ANK2: variants seen among roughly 807,000 people sequenced by gnomAD.
ANK2 encodes the protein ankyrin-2.
ANK2 carries 83 observed loss-of-function variants against 360.5 expected under a neutral mutation model. That is an observed-to-expected ratio of 0.23 (90% CI 0.19 to 0.28). ANK2 has a LOEUF of 0.28. Ranked by LOEUF, ANK2 falls within the 10% of genes least tolerant of loss-of-function variation. ANK2 has a pLI of 1.00. For synonymous variants in ANK2, 1,740 were observed against 1,759.5 expected (o/e 0.99, Z 0.28); for missense variants, 4,201 against 4,795.7 (o/e 0.88, Z 3.66).
At chr4:112,815,682 G>A (rs570065635), upstream of ANK2, among the ~76,000 whole-genome samples, 26 of 152,292 alleles carry the variant, frequency 1.7e-4, no homozygotes, top group South Asian at 5.4e-3. Context: ...GCTGAAAATT[G>A]AGTCAGTCTC....
intron 4 of ANK2, among the ~76,000 whole-genome samples, chr4:113,201,207 C>T (rs1399419146): frequency 6.6e-6 from 1 of 151,972 alleles, no homozygotes; most frequent in African/African-American, 2.4e-5. Flanking sequence ...GCTGGAAAAC[C>T]TTTCTTTATA....
At chr4:113,221,134 G>A (rs1432607811) in intron 4 of ANK2, among the ~76,000 whole-genome samples, 6 of 152,304 alleles carry the variant, frequency 3.9e-5, no homozygotes, top group Non-Finnish European at 8.8e-5. Flanking sequence ...GCATTGACTC[G>A]TAGATAAGGT....
At chr4:113,253,146 A>G (rs899330432) in intron 10 of ANK2, among the ~76,000 whole-genome samples, 2 of 152,086 alleles carry the variant, frequency 1.3e-5, no homozygotes, top group African/African-American at 4.8e-5. Flanking sequence ...CGTTACTATC[A>G]TCTGGTGTGA....
At chr4:113,104,400 G>T (rs2093357853) in intron 1 of ANK2, among the ~76,000 whole-genome samples, 1 of 152,194 alleles carries the variant, frequency 6.6e-6, no homozygotes, top group African/African-American at 2.4e-5. Context: ...AAGAAGAGAA[G>T]AGAATTGTGA....
At chr4:112,728,511 G>A in the ANK2 span, among the ~76,000 whole-genome samples, 1 of 151,946 alleles carries the variant, frequency 6.6e-6, no homozygotes, top group Non-Finnish European at 1.5e-5. Flanking sequence ...AGCACTTTGG[G>A]AAGCTAAGGT....
intron 1 of ANK2, among the ~76,000 whole-genome samples, chr4:112,831,549 G>A (rs1024727326): frequency 1.3e-5 from 2 of 149,464 alleles, no homozygotes; most frequent in Non-Finnish European, 1.5e-5. Flanking sequence ...CTGTCAAAAC[G>A]GACCAATCAA....
intron 2 of ANK2, among the ~76,000 whole-genome samples, chr4:112,957,007 G>GTTTTTCTT (rs2095362214): frequency 1.5e-5 from 1 of 66,484 alleles, no homozygotes; most frequent in Non-Finnish European, 2.9e-5. Context: ...TATTGCTCTT[G>GTTTTTCTT]TTTTTTTTTT....
chr4:113,254,177 G>A (rs912026882), intron 10 of ANK2, among the ~76,000 whole-genome samples: 5 of 152,112 alleles, frequency 3.3e-5, no homozygotes, highest in African/African-American at 4.8e-5. Flanking sequence ...TAGGCCATTC[G>A]GTGTTTTTGT....
the ANK2 span, among the ~76,000 whole-genome samples, chr4:112,806,840 A>G: frequency 6.6e-6 from 1 of 152,036 alleles, no homozygotes; most frequent in Non-Finnish European, 1.5e-5. Flanking sequence ...CAAAAAAGAA[A>G]AAAATGAAAA....
intron 2 of ANK2, among the ~76,000 whole-genome samples, chr4:112,999,360 T>C (rs2049777738): frequency 6.6e-6 from 1 of 151,970 alleles, no homozygotes; most frequent in Non-Finnish European, 1.5e-5. Flanking sequence ...TTCTGCAGAG[T>C]AGACAAGCCC....
At chr4:112,912,019 T>C (rs762679857) in intron 2 of ANK2, among the ~76,000 whole-genome samples, 9 of 151,524 alleles carry the variant, frequency 5.9e-5, no homozygotes, top group Non-Finnish European at 1.0e-4. Context: ...CTACTAAAAA[T>C]ACAAAAAATT....
At chr4:112,921,379 G>GTTTT (rs61196339) in intron 2 of ANK2, among the ~76,000 whole-genome samples, 65 of 127,880 alleles carry the variant, frequency 5.1e-4, no homozygotes, top group African/African-American at 1.8e-3. Context: ...GTTTCTTTAA[G>GTTTT]TTTTTTTTTT....
intron 4 of ANK2, among the ~76,000 whole-genome samples, chr4:113,208,517 T>C (rs572199275): frequency 1.3e-5 from 2 of 151,866 alleles, no homozygotes; most frequent in African/African-American, 4.8e-5. Flanking sequence ...ATTTTATTTT[T>C]TTTGAGATGG....
intron 2 of ANK2, among the ~76,000 whole-genome samples, chr4:112,917,532 A>G (rs987606229): frequency 1.5e-4 from 23 of 152,240 alleles, no homozygotes; most frequent in African/African-American, 5.3e-4. Context: ...TCCATGTGTT[A>G]CATGTTGAAA....
chr4:113,360,650 C>A (rs548804138), intron 38 of ANK2, among the ~76,000 whole-genome samples, 173 bp from the exon 39 acceptor site: 1 of 152,256 alleles, frequency 6.6e-6, no homozygotes, highest in East Asian at 1.9e-4. Context: ...CATATTAGAT[C>A]TATTCCCCAT....
chr4:112,723,425 G>A, the ANK2 span, among the ~76,000 whole-genome samples: 3 of 152,052 alleles, frequency 2.0e-5, no homozygotes, highest in Non-Finnish European at 4.4e-5. Flanking sequence ...GTGCAGTGGC[G>A]CGATCTCGGC....
chr4:113,021,541 C>CACACACACATATATATAT lies in ANK2; in HGVS notation c.21+117028_21+117029insCACACACATATATATATA, dbSNP rs1489947974. On this transcript the variant is annotated intron_variant, in intron 2 of 30. Coordinates refer to the ANK2 transcript ENST00000503271. ...ATACACACACACACCCACACACAAACATATATATATATATATATATATATA... is the reference window on the plus strand; with the variant it reads ...ATACACACACACACCCACACACAAACACACACACATATATATATATATATATATATATATATATATATA... 8.2e-4 allele frequency among the ~76,000 whole-genome samples: 78 copies of CACACACACATATATATAT among 95,628 alleles called. 4 individuals are homozygous for CACACACACATATATATAT. The highest frequency in any genetic ancestry group is 2.8e-3 in the African/African-American group (73 of 26,172). 62.7% of individuals were successfully genotyped at this position (95,628 alleles called of 152,430 possible). A position where few individuals can be genotyped will look rare whatever the true frequency, so the allele number is the denominator to read the frequency against.
chr4:113,347,397 C>T (rs1348134087), intron 35 of ANK2, among the ~76,000 whole-genome samples: 2 of 152,044 alleles, frequency 1.3e-5, no homozygotes, highest in African/African-American at 2.4e-5. Context: ...AGTAGTGAGT[C>T]AGTGGAGGCA....
Position 112,933,379 on chromosome 4 carries a change from T to C in ANK2, c.21+28865T>C, listed in dbSNP as rs549073187. Among the ~76,000 whole-genome samples, 9 of 152,342 alleles carry C rather than the reference T, an allele frequency of 5.9e-5. No individual in the cohort carries two copies. In the East Asian group the frequency reaches 1.7e-3, roughly 29 times the overall value. On this transcript the variant is annotated intron_variant, in intron 2 of 30. Coordinates refer to the ANK2 transcript ENST00000503271. ...AAAACAAAACCAGAGGTAGATATTC[T>C]GGTTTCTGATGCACACTCTGTAGCT...
Sources: gnomAD v4.1 joint callset for allele counts (sites outside exome capture counted in the v4.1 genomes callset) on GRCh38, gnomAD v4.1.1 for gene constraint, MANE v1.5 for transcripts, NCBI Gene and HGNC (gene_info 2026-07-23, HGNC 2026-07-21) for gene names.